The following CHST8 variants were observed in gnomAD, a reference collection of about 807,000 sequenced individuals.
CHST8 encodes the protein GALNAC-4-ST1.
In CHST8, 10 loss-of-function variants were observed where a neutral mutation model predicts 15.0. The observed-to-expected ratio is 0.67, with a 90% confidence interval of 0.41 to 1.13. CHST8 has a LOEUF of 1.13. Ranked by LOEUF, CHST8 falls within the 50% of genes most tolerant of loss-of-function variation. The pLI, the probability that CHST8 is intolerant of heterozygous loss-of-function variation, is 0.00. For synonymous variants in CHST8, 259 were observed against 256.6 expected, an observed-to-expected ratio of 1.01 and a Z score of -0.09; for missense variants, 634 against 608.2, an observed-to-expected ratio of 1.04 and a Z score of -0.45.
intron 1 of CHST8, among the ~76,000 whole-genome samples, chr19:33,635,007 G>A (rs1286130134): frequency 6.6e-6 from 1 of 152,110 alleles, no homozygotes; most frequent in Non-Finnish European, 1.5e-5. Flanking sequence ...TCTAGGCACT[G>A]GCCATTTGAG....
At chr19:33,664,524 T>G (rs1972629075) in intron 1 of CHST8, among the ~76,000 whole-genome samples, 1 of 147,614 alleles carries the variant, frequency 6.8e-6, no homozygotes, top group Non-Finnish European at 1.5e-5. Context: ...TTCCCACCTG[T>G]GAGTGAGAAC....
At chr19:33,643,415 C>T (rs1972308876) in intron 1 of CHST8, among the ~76,000 whole-genome samples, 1 of 152,200 alleles carries the variant, frequency 6.6e-6, no homozygotes, top group African/African-American at 2.4e-5. Flanking sequence ...TCCCTCCCTC[C>T]CCAGCTCTCC....
chr19:33,724,178 A>G (rs1382286274), intron 3 of CHST8, among the ~76,000 whole-genome samples: 1 of 152,132 alleles, frequency 6.6e-6, no homozygotes, highest in Non-Finnish European at 1.5e-5. Flanking sequence ...CTCAAGCTTT[A>G]GATGAGCCTA....
At chr19:33,666,917 G>T (rs111513862) in intron 1 of CHST8, among the ~76,000 whole-genome samples, 1 of 152,110 alleles carries the variant, frequency 6.6e-6, no homozygotes. Flanking sequence ...GCCCAGGCTG[G>T]TCTTGAACTC....
intron 1 of CHST8, among the ~76,000 whole-genome samples, chr19:33,635,962 G>C (rs1436889783): frequency 6.6e-6 from 1 of 152,086 alleles, no homozygotes; most frequent in Non-Finnish European, 1.5e-5. Context: ...GCGATGTGGA[G>C]GCGGGCGCGC....
At chr19:33,679,730 T>C (rs1972860414) in intron 2 of CHST8, among the ~76,000 whole-genome samples, 1 of 152,226 alleles carries the variant, frequency 6.6e-6, no homozygotes, top group South Asian at 2.1e-4. Context: ...TGTGTAACCT[T>C]GGCCATATTT....
At chr19:33,625,723 A>G in intron 1 of CHST8, among the ~76,000 whole-genome samples, 1 of 151,994 alleles carries the variant, frequency 6.6e-6, no homozygotes, top group East Asian at 2.0e-4. Flanking sequence ...TTAGCCGGGC[A>G]TGGTGGTGCT....
At chr19:33,706,558 G>T (rs1415408513) in intron 3 of CHST8, among the ~76,000 whole-genome samples, 1 of 152,098 alleles carries the variant, frequency 6.6e-6, no homozygotes. Context: ...AAATGACTTG[G>T]GCCCCACAGA....
rs201579108 is a variant in CHST8, at chr19:33,700,576, C to CA, written c.130+11185_130+11186insA. 1.0e-2 allele frequency among the ~76,000 whole-genome samples: 1,522 copies of CA among 152,306 alleles called. 24 individuals are homozygous for CA. The highest frequency in any genetic ancestry group is 0.033 in the African/African-American group (1,390 of 41,568). ...TTGTCACCTAATGCACCAGGCTCTC[C>CA]GCTCAGGGCTGTGGGTGGGGTCCTT... On this transcript the variant is annotated intron_variant, in intron 3 of 4. Transcript: ENST00000650847.
intron 1 of CHST8, among the ~76,000 whole-genome samples, chr19:33,645,804 A>G (rs1972348222): frequency 6.6e-6 from 1 of 152,216 alleles, no homozygotes. Flanking sequence ...CAATACACAG[A>G]GAAGAGCAGG....
chr19:33,740,276 G>A (rs187614371), intron 3 of CHST8, among the ~76,000 whole-genome samples: 1 of 152,294 alleles, frequency 6.6e-6, no homozygotes, highest in East Asian at 1.9e-4. Context: ...GGGTGAGAGG[G>A]CTCTTCAGTG....
chr19:33,678,136 T>C (rs1051563810), intron 2 of CHST8, among the ~76,000 whole-genome samples: 2 of 151,998 alleles, frequency 1.3e-5, no homozygotes, highest in Non-Finnish European at 2.9e-5. Context: ...TCCAACACTC[T>C]GTGGGGAAAA....
intron 1 of CHST8, among the ~76,000 whole-genome samples, chr19:33,664,310 G>A (rs1972624754): frequency 6.6e-6 from 1 of 151,698 alleles, no homozygotes; most frequent in Non-Finnish European, 1.5e-5. Flanking sequence ...TATACTTTAA[G>A]TTTTAGAGTA....
At chr19:33,728,840 T>C (rs925524957) in intron 3 of CHST8, among the ~76,000 whole-genome samples, 5 of 152,148 alleles carry the variant, frequency 3.3e-5, no homozygotes, top group Non-Finnish European at 7.3e-5. Context: ...GGGGAGAAGA[T>C]GCAACACAAG....
intron 1 of CHST8, among the ~76,000 whole-genome samples, chr19:33,662,941 C>T (rs892457559): frequency 6.6e-6 from 1 of 152,302 alleles, no homozygotes; most frequent in East Asian, 1.9e-4. Context: ...CAGTGATTCT[C>T]CTTTCAAAGA....
At chr19:33,754,664 CCG>C in intron 3 of CHST8, among the ~76,000 whole-genome samples, 1 of 152,202 alleles carries the variant, frequency 6.6e-6, no homozygotes, top group East Asian at 1.9e-4. Context: ...ACCTGCATGC[CCG>C]CTCCAGCCTC....
intron 3 of CHST8, among the ~76,000 whole-genome samples, chr19:33,746,509 G>A (rs899277713): frequency 3.9e-5 from 6 of 152,340 alleles, no homozygotes; most frequent in East Asian, 1.9e-4. Flanking sequence ...ATCCATGATC[G>A]TCATGTATAT....
At chr19:33,641,946 C>G (rs904331310) in intron 1 of CHST8, among the ~76,000 whole-genome samples, 5 of 152,232 alleles carry the variant, frequency 3.3e-5, no homozygotes, top group African/African-American at 4.8e-5. Context: ...CTGACCAAAC[C>G]ATATGTCTGT....
chr19:33,744,308 G>C (rs903354735), intron 3 of CHST8: 3 of 152,216 alleles, frequency 2.0e-5, no homozygotes, highest in Admixed American at 6.5e-5. Flanking sequence ...CAGATTCTGA[G>C]GAAGGCATGT....
Sources: allele counts gnomAD v4.1 joint callset (sites outside exome capture counted in the v4.1 genomes callset), GRCh38; gene constraint gnomAD v4.1.1; transcripts MANE v1.5; gene names NCBI Gene and HGNC (gene_info 2026-07-23, HGNC 2026-07-21).